Variants in CLNS1A observed in about 807,000 individuals in gnomAD.
CLNS1A encodes the protein chloride nucleotide-sensitive channel 1A, also known as methylosome subunit pICln.
CLNS1A carries 16 observed loss-of-function variants against 29.4 expected under a neutral mutation model. The ratio of observed to expected loss-of-function variants is 0.54; its 90% CI spans 0.37 to 0.83. CLNS1A has a LOEUF of 0.83. Ranked by LOEUF, CLNS1A falls within the 40% of genes least tolerant of loss-of-function variation. The pLI, the probability that CLNS1A is intolerant of heterozygous loss-of-function variation, is 0.00. For synonymous variants in CLNS1A, 96 were observed against 104.8 expected (o/e 0.92, Z 0.51); for missense variants, 235 against 287.4 (o/e 0.82, Z 1.32).
In CLNS1A at chr11:77,615,522, T is replaced by C. The variant is rs1958899858; in HGVS notation, c.*1196A>G. 1 of 152,176 alleles carries C rather than the reference T, an allele frequency of 6.6e-6. No individual in the cohort carries two copies. The highest frequency in any genetic ancestry group is 6.6e-5 in the Admixed American group (1 of 15,264). The allele number at this position is 152,176 out of a possible 1,614,324, so 9.4% of individuals were successfully genotyped here. ...GCGTATCTCATAAGATAATTAAGAA[T>C]ATTATAATACATAATAAAGAACTCA... On this transcript the variant is annotated 3_prime_UTR_variant, in exon 7 of 7. Coordinates refer to ENST00000525428, the MANE Select transcript of CLNS1A (RefSeq NM_001293.3).
chr11:77,636,798 C>A (rs1344656527), intron 1 of CLNS1A, among the ~76,000 whole-genome samples: 1 of 152,130 alleles, frequency 6.6e-6, no homozygotes, highest in African/African-American at 2.4e-5. Context: ...CAACACATAT[C>A]TGAAGGGCAG....
At chr11:77,616,828 A>G (rs1335512326) in intron 6 of CLNS1A, 133 bp from the exon 7 acceptor site, 1 of 152,214 alleles carries the variant, frequency 6.6e-6, no homozygotes, top group African/African-American at 2.4e-5. Flanking sequence ...CCTGCAAGGT[A>G]GGTATTATCC....
intron 1 of CLNS1A, among the ~76,000 whole-genome samples, chr11:77,633,994 G>A (rs11237252): frequency 0.012 from 1,796 of 152,126 alleles, 16 homozygotes; most frequent in South Asian, 0.023. Context: ...CCAGCTACTC[G>A]GGAGGGTGAG....
Position 77,626,291 on chromosome 11 carries a change from C to G in CLNS1A, c.263-473G>C, listed in dbSNP as rs192292299. On this transcript the variant is annotated intron_variant, in intron 2 of 6. Coordinates refer to ENST00000525428, the MANE Select transcript of CLNS1A (RefSeq NM_001293.3). ...TGAGATGGGGTCTTACGATGTTGCC[C>G]AGGCTGGTCTGAAACTCCTGGGCTC... 3.9e-5 allele frequency among the ~76,000 whole-genome samples: 6 copies of G among 152,230 alleles called. No homozygotes were observed. The East Asian group carries it at 1.2e-3, about 30-fold the overall frequency.
chr11:77,622,674 C>T lies in CLNS1A; in HGVS notation c.473-1G>A. On this transcript the variant is annotated splice_acceptor_variant, in intron 4 of 6. Transcript: ENST00000525428. LOFTEE classifies it high-confidence loss of function. ...GTAGGGATGTCCCCCTGTCCTTGTT[C>T]TAAACAAACAGAAAACTTTAAAGTT... 3.2e-6 allele frequency: 5 copies of T among 1,565,820 alleles called. No homozygotes were observed. Among genetic ancestry groups the T allele is most frequent in the Non-Finnish European group, 4.3e-6 (5 of 1,162,794 alleles).
At chr11:77,628,952 A>G (rs953476490) in intron 2 of CLNS1A, among the ~76,000 whole-genome samples, 4 of 152,206 alleles carry the variant, frequency 2.6e-5, no homozygotes, top group Non-Finnish European at 5.9e-5. Context: ...CTTGGCATCT[A>G]ACTGCTAGAC....
intron 6 of CLNS1A, among the ~76,000 whole-genome samples, chr11:77,617,671 G>A (rs1958918776): frequency 6.6e-6 from 1 of 152,032 alleles, no homozygotes; most frequent in African/African-American, 2.4e-5. Flanking sequence ...TGTAATCCCA[G>A]CACTTTGAGA....
intron 5 of CLNS1A, among the ~76,000 whole-genome samples, chr11:77,621,343 C>T (rs1354799939): frequency 6.6e-6 from 1 of 152,066 alleles, no homozygotes; most frequent in African/African-American, 2.4e-5. Context: ...TGTATATACA[C>T]ACACAAAAGG....
intron 1 of CLNS1A, among the ~76,000 whole-genome samples, chr11:77,636,217 G>A (rs539246106): frequency 1.3e-3 from 193 of 152,028 alleles, no homozygotes; most frequent in African/African-American, 4.4e-3. Flanking sequence ...ACTACAGGCC[G>A]CCACCATGCC....
chr11:77,631,907 T>G (rs1164661229), intron 1 of CLNS1A, among the ~76,000 whole-genome samples: 2 of 152,092 alleles, frequency 1.3e-5, no homozygotes, highest in Non-Finnish European at 2.9e-5. Context: ...CTCGCTAATT[T>G]TTGTATTTTT....
chr11:77,616,364 A>G lies in CLNS1A; in HGVS notation c.*354T>C, dbSNP rs758662079. ...TCTCTCTTTCCCCCGCAGTCTACCA[A>G]GCTCCTGTGCATTTTCACCACATAG... On this transcript the variant is annotated 3_prime_UTR_variant, in exon 7 of 7. Transcript: ENST00000525428. The G allele has an allele frequency of 3.9e-5, 6 of 152,498 alleles. No individual in the cohort carries two copies. Among genetic ancestry groups the G allele is most frequent in the Non-Finnish European group, 7.3e-5 (5 of 68,044 alleles). The allele number at this position is 152,498 out of a possible 1,614,324, so 9.4% of individuals were successfully genotyped here.
rs1231994843 is a variant in CLNS1A at position 77,616,639 on chromosome 11, A to G, written c.*79T>C. The G allele has an allele frequency of 6.6e-6, 1 of 152,656 alleles. No homozygotes were observed. Among genetic ancestry groups the G allele is most frequent in the African/African-American group, 2.4e-5 (1 of 41,460 alleles). The allele number at this position is 152,656 out of a possible 1,614,324, so 9.5% of individuals were successfully genotyped here. On this transcript the variant is annotated 3_prime_UTR_variant, in exon 7 of 7. Transcript: ENST00000525428. ...TTGGAAAAGGAAAAAGACTTTCATT[A>G]ACTTCACTCCAGAGTGGAAGAGGCA...
chr11:77,637,110 A>AGAGGGG (rs1179105010), intron 1 of CLNS1A, among the ~76,000 whole-genome samples: 1 of 151,828 alleles, frequency 6.6e-6, no homozygotes, highest in Non-Finnish European at 1.5e-5. Flanking sequence ...GTCGGCTCTG[A>AGAGGGG]AACTACGTAT....
At chr11:77,633,247 T>C (rs1959092768) in intron 1 of CLNS1A, among the ~76,000 whole-genome samples, 1 of 152,202 alleles carries the variant, frequency 6.6e-6, no homozygotes, top group Admixed American at 6.5e-5. Context: ...CACGATGAAA[T>C]AGGCCAGACA....
intron 5 of CLNS1A, chr11:77,621,994 G>C (rs762976147): frequency 2.2e-6 from 1 of 456,096 alleles, no homozygotes. Flanking sequence ...CTTCAGTCAC[G>C]TGGGCCAATT....
chr11:77,631,346 G>A (rs1217533388), intron 1 of CLNS1A, among the ~76,000 whole-genome samples: 1 of 148,144 alleles, frequency 6.8e-6, no homozygotes, highest in African/African-American at 2.5e-5. Flanking sequence ...TTTTTAGACA[G>A]AGTCTCGGTC....
intron 1 of CLNS1A, among the ~76,000 whole-genome samples, chr11:77,635,609 C>T (rs1418737773): frequency 6.6e-6 from 1 of 152,070 alleles, no homozygotes; most frequent in Non-Finnish European, 1.5e-5. Context: ...CCTCAGCCTC[C>T]CAAAGTGCTG....
At position 77,624,431 on chromosome 11, in the gene CLNS1A, C is replaced by A. The variant is rs566842788; in HGVS notation, c.472+532G>T. Among the ~76,000 whole-genome samples, 65 of 152,266 alleles carry A rather than the reference C, an allele frequency of 4.3e-4. 1 individual carries two copies. The highest frequency in any genetic ancestry group is 5.9e-4 in the Non-Finnish European group (40 of 68,026). On this transcript the variant is annotated intron_variant, in intron 4 of 6. Coordinates refer to ENST00000525428, the MANE Select transcript of CLNS1A (RefSeq NM_001293.3). ...CTCCCATATGCTCTACTTACCCATT[C>A]TTCCCCATAACAATCTCTATTTCTT...
chr11:77,634,956 C>T (rs565244457), intron 1 of CLNS1A, among the ~76,000 whole-genome samples: 10 of 152,082 alleles, frequency 6.6e-5, no homozygotes, highest in East Asian at 1.9e-4. Flanking sequence ...CAACCACGAC[C>T]GGCTAATTTT....
Sources: gnomAD v4.1 joint callset for allele counts (sites outside exome capture counted in the v4.1 genomes callset) on GRCh38, gnomAD v4.1.1 for gene constraint, MANE v1.5 for transcripts, NCBI Gene and HGNC (gene_info 2026-07-23, HGNC 2026-07-21) for gene names.